The following FMN2 variants were observed in gnomAD, a reference collection of about 807,000 sequenced individuals.
The protein encoded by FMN2 is formin 2.
In FMN2, 51 loss-of-function variants were observed where a neutral mutation model predicts 142.3. The observed-to-expected ratio is 0.36, with a 90% CI of 0.29 to 0.45. The LOEUF is 0.45. Ranked by LOEUF, FMN2 falls within the 20% of genes least tolerant of loss-of-function variation. The pLI is 1.00. For synonymous variants in FMN2, 882 were observed against 869.8 expected (o/e 1.01, Z -0.25); for missense variants, 1,936 against 2,122.8 (o/e 0.91, Z 1.73).
At chr1:240,386,068 A>T (rs1044380313) in intron 14 of FMN2, among the ~76,000 whole-genome samples, 1 of 152,190 alleles carries the variant, frequency 6.6e-6, no homozygotes, top group African/African-American at 2.4e-5. Flanking sequence ...AGGAAGATGC[A>T]TTGGGACTTA....
intron 2 of FMN2, among the ~76,000 whole-genome samples, chr1:240,136,519 T>G (rs1662946320): frequency 6.6e-6 from 1 of 152,248 alleles, no homozygotes; most frequent in Non-Finnish European, 1.5e-5. Flanking sequence ...TATGCTGTTT[T>G]AGATATCCAT....
At chr1:240,437,234 G>C (rs1675410753) in intron 15 of FMN2, among the ~76,000 whole-genome samples, 1 of 151,098 alleles carries the variant, frequency 6.6e-6, no homozygotes, top group African/African-American at 2.4e-5. Flanking sequence ...TGCCATATTG[G>C]TCTCTACTCA....
intron 15 of FMN2, among the ~76,000 whole-genome samples, chr1:240,422,202 AT>A (rs367653477): frequency 1.3e-5 from 2 of 152,122 alleles, no homozygotes; most frequent in African/African-American, 4.8e-5. Flanking sequence ...CTCCAACATC[AT>A]TTTGCAGTAT....
At chr1:240,373,973 T>C (rs1238265948) in intron 14 of FMN2, among the ~76,000 whole-genome samples, 1 of 152,230 alleles carries the variant, frequency 6.6e-6, no homozygotes, top group African/African-American at 2.4e-5. Flanking sequence ...AAAGTTAAAA[T>C]GACCCCTTGA....
intron 1 of FMN2, among the ~76,000 whole-genome samples, chr1:240,119,747 G>C (rs577764450): frequency 6.6e-5 from 10 of 152,276 alleles, no homozygotes; most frequent in African/African-American, 2.4e-4. Context: ...CCTCCACACT[G>C]TTCTGGAACT....
chr1:240,214,979 T>C lies in FMN2; in HGVS notation c.4065+3744T>C, dbSNP rs192208248. The stretch of plus-strand genomic sequence containing the variant: ...TACTTGGGAAGCTGAGATGGGAAGA[T>C]CATCTGAGCCCAGGGAGGTTGAGGC... On this transcript the variant is annotated intron_variant, in intron 6 of 17. Transcript: ENST00000319653. 3.2e-3 allele frequency among the ~76,000 whole-genome samples: 493 copies of C among 151,966 alleles called. 1 individual carries two copies. The highest frequency in any genetic ancestry group is 5.0e-3 in the Non-Finnish European group (337 of 67,950).
At chr1:240,371,215 C>T (rs1385557714) in intron 14 of FMN2, among the ~76,000 whole-genome samples, 1 of 152,156 alleles carries the variant, frequency 6.6e-6, no homozygotes, top group Admixed American at 6.5e-5. Flanking sequence ...CCACCTTGGC[C>T]TCCCAAAGTG....
At chr1:240,449,902 C>T (rs898093829) in intron 16 of FMN2, among the ~76,000 whole-genome samples, 3 of 151,998 alleles carry the variant, frequency 2.0e-5, no homozygotes, top group Admixed American at 6.6e-5. Context: ...TAACTTTTTG[C>T]GGTAAGAATA....
intron 4 of FMN2, among the ~76,000 whole-genome samples, chr1:240,202,865 A>G (rs1666180561): frequency 6.6e-6 from 1 of 152,214 alleles, no homozygotes; most frequent in Admixed American, 6.5e-5. Flanking sequence ...CAGAGCTGGC[A>G]TAGGCAATAA....
At chr1:240,226,906 C>T (rs1363157231) in intron 6 of FMN2, among the ~76,000 whole-genome samples, 2 of 152,094 alleles carry the variant, frequency 1.3e-5, no homozygotes, top group African/African-American at 4.8e-5. Flanking sequence ...AAACCCAGGG[C>T]TCACATTGAA....
rs58873062 is a variant in FMN2 at position 240,465,330 on chromosome 1, C to CTGTGTGTG, written c.5061-6992_5061-6985dup. 5.3e-5 allele frequency among the ~76,000 whole-genome samples: 7 copies of CTGTGTGTG among 131,584 alleles called. No individual in the cohort carries two copies. In the South Asian group the frequency reaches 8.2e-4, roughly 15 times the overall value. 86.3% of individuals were successfully genotyped at this position (131,584 alleles called of 152,430 possible). On this transcript the variant is annotated intron_variant, in intron 16 of 17. Transcript: ENST00000319653. ...CACACTCCCTACCTTATGCCTCCCTCTGTGTGTGTGTGTGTGTGTGTGTGT... is the reference window on the plus strand; with the variant it reads ...CACACTCCCTACCTTATGCCTCCCTCTGTGTGTGTGTGTGTGTGTGTGTGTGTGTGTGT...
intron 15 of FMN2, chr1:240,400,637 C>T (rs1673947379): frequency 6.6e-6 from 1 of 152,212 alleles, no homozygotes; most frequent in Non-Finnish European, 1.5e-5. Flanking sequence ...GGTCTCCTTC[C>T]CAGCTTTGAG....
intron 6 of FMN2, among the ~76,000 whole-genome samples, chr1:240,257,533 G>A (rs1036250619): frequency 1.1e-4 from 16 of 152,086 alleles, no homozygotes; most frequent in African/African-American, 3.9e-4. Context: ...ACTTGCTGAC[G>A]TGTTTGAAGT....
intron 15 of FMN2, among the ~76,000 whole-genome samples, chr1:240,434,592 C>T (rs1044341127): frequency 2.0e-5 from 3 of 148,660 alleles, no homozygotes; most frequent in Non-Finnish European, 3.0e-5. Flanking sequence ...GATGGAGTCT[C>T]GCTCTGTCAC....
At chr1:240,425,204 TGAGAGAGAGA>T (rs142399934) in intron 15 of FMN2, among the ~76,000 whole-genome samples, 69 of 134,946 alleles carry the variant, frequency 5.1e-4, no homozygotes, top group East Asian at 9.0e-4. Flanking sequence ...TTGAATGAGG[TGAGAGAGAGA>T]GAGAGAGAGA....
At chr1:240,462,766 G>C (rs1676486442) in intron 16 of FMN2, among the ~76,000 whole-genome samples, 1 of 152,162 alleles carries the variant, frequency 6.6e-6, no homozygotes. Context: ...TAAAGACACA[G>C]ATAAATAGTC....
At chr1:240,235,384 T>C (rs1027754927) in intron 6 of FMN2, among the ~76,000 whole-genome samples, 5 of 151,750 alleles carry the variant, frequency 3.3e-5, no homozygotes, top group South Asian at 4.2e-4. Flanking sequence ...TTGGATCAGA[T>C]TTTGATTTTT....
At chr1:240,401,395 T>C (rs978504814) in intron 15 of FMN2, among the ~76,000 whole-genome samples, 1 of 152,190 alleles carries the variant, frequency 6.6e-6, no homozygotes, top group Non-Finnish European at 1.5e-5. Flanking sequence ...TGTTCTTCAT[T>C]TTCCAGCCTT....
At chr1:240,244,723 T>A (rs1668022655) in intron 6 of FMN2, among the ~76,000 whole-genome samples, 1 of 152,224 alleles carries the variant, frequency 6.6e-6, no homozygotes, top group Non-Finnish European at 1.5e-5. Flanking sequence ...GGTATTTTTT[T>A]AAAACATACA....
Sources: gnomAD v4.1 joint callset for allele counts (sites outside exome capture counted in the v4.1 genomes callset) on GRCh38, gnomAD v4.1.1 for gene constraint, MANE v1.5 for transcripts, NCBI Gene and HGNC (gene_info 2026-07-23, HGNC 2026-07-21) for gene names.